MROH2B: variants seen among roughly 807,000 people sequenced by gnomAD.
MROH2B encodes maestro heat-like repeat-containing protein family member 2B.
A neutral mutation model predicts 208.6 loss-of-function variants in MROH2B; 177 were observed. That is an observed-to-expected ratio of 0.85 (90% confidence interval 0.75 to 0.96). The LOEUF (loss-of-function observed/expected upper bound fraction) is 0.96. Among genes scored for constraint, MROH2B ranks in the 40% least tolerant of loss-of-function variants. The probability of loss-of-function intolerance (pLI) is 0.00; values close to 1 mark genes in which losing one functional copy is unlikely to be tolerated. For missense variants in MROH2B, 2,002 were observed against 1,878.7 expected (o/e 1.07, Z -1.21); for synonymous variants, 728 against 659.0 (o/e 1.10, Z -1.60).
intron 13 of MROH2B, among the ~76,000 whole-genome samples, chr5:41,050,544 T>C (rs574216111): frequency 3.3e-5 from 5 of 152,144 alleles, no homozygotes; most frequent in Admixed American, 6.5e-5. Context: ...GGCTGTGCTA[T>C]GTACTTCCGG....
At chr5:41,036,152 A>C (rs200788437) in intron 21 of MROH2B, among the ~76,000 whole-genome samples, 91 of 141,954 alleles carry the variant, frequency 6.4e-4, no homozygotes, top group African/African-American at 9.0e-4. Context: ...ACACACACAC[A>C]CCCCACATTT....
At chr5:41,061,439 T>A (rs1561307038) in intron 6 of MROH2B, 131 bp downstream of exon 6, 3 of 799,544 alleles carry the variant, frequency 3.8e-6, no homozygotes, top group Admixed American at 3.0e-5. Context: ...AAAGAAAAAA[T>A]TGATAAATCT....
chr5:41,007,240 T>A, intron 34 of MROH2B, 74 bp downstream of exon 34: 1 of 1,329,252 alleles, frequency 7.5e-7, no homozygotes, highest in Non-Finnish European at 9.8e-7. Flanking sequence ...TGAAGTTGCC[T>A]GTATTGCACT....
chr5:41,046,776 A>C (rs979732033), intron 17 of MROH2B, among the ~76,000 whole-genome samples: 2 of 152,204 alleles, frequency 1.3e-5, no homozygotes, highest in African/African-American at 4.8e-5. Flanking sequence ...TGGTAGCAGA[A>C]GGAAATCTGG....
At chr5:41,070,735 C>T (rs1047338143) in intron 1 of MROH2B, 90 bp downstream of exon 1, 38 of 1,323,120 alleles carry the variant, frequency 2.9e-5, no homozygotes, top group South Asian at 1.0e-4. Flanking sequence ...CACAATGACG[C>T]GCCACTCCCA....
chr5:41,033,574 T>C (rs1561291434), intron 22 of MROH2B, among the ~76,000 whole-genome samples: 1 of 152,130 alleles, frequency 6.6e-6, no homozygotes, highest in African/African-American at 2.4e-5. Context: ...CATAGTCAAC[T>C]GGTGGGTCAC....
intron 6 of MROH2B, 107 bp downstream of exon 6, chr5:41,061,463 C>A: frequency 1.0e-6 from 1 of 972,354 alleles, no homozygotes; most frequent in Non-Finnish European, 1.4e-6. Flanking sequence ...AAAATACAAC[C>A]AATGGCTTCC....
At chr5:41,041,413 G>A (rs777700616) in intron 19 of MROH2B, among the ~76,000 whole-genome samples, 4 of 152,100 alleles carry the variant, frequency 2.6e-5, no homozygotes, top group Non-Finnish European at 5.9e-5. Flanking sequence ...GATCACCTGA[G>A]GTCAGGAGTT....
chr5:41,014,369 T>C (rs1487700453), intron 29 of MROH2B, among the ~76,000 whole-genome samples: 1 of 151,862 alleles, frequency 6.6e-6, no homozygotes, highest in Non-Finnish European at 1.5e-5. Context: ...TTCTCACTCA[T>C]AGGTGGGAAT....
intron 7 of MROH2B, 91 bp downstream of exon 7, chr5:41,057,972 T>C: frequency 7.8e-7 from 1 of 1,286,128 alleles, no homozygotes; most frequent in East Asian, 2.8e-5. Flanking sequence ...AACAGGAGTT[T>C]AAGCTCCTTA....
chr5:41,027,600 G>A (rs541985412), intron 24 of MROH2B, among the ~76,000 whole-genome samples: 151 of 152,236 alleles, frequency 9.9e-4, no homozygotes, highest in African/African-American at 3.5e-3. Flanking sequence ...GGGACGTAAA[G>A]TAGTTCAAGC....
At chr5:41,042,031 G>A (rs1163922661) in intron 19 of MROH2B, 61 bp downstream of exon 19, 1 of 862,336 alleles carries the variant, frequency 1.2e-6, no homozygotes. Context: ...CAGAGGTTTT[G>A]TGGATAGGAT....
At position 41,009,293 on chromosome 5, in the gene MROH2B, A is replaced by G. The variant is rs1293645605; in HGVS notation, c.3407T>C (p.Val1136Ala). Reference protein sequence around the residue: ...ETELEDDIARVEAISVACAMY... With the variant: ...ETELEDDIARAEAISVACAMY... ...TGTCCAACTCACTGAAATTGCCTCA[A>G]CCCTGGCGATGTCATCTTCTAACTC... The change falls in exon 32 of 42, where the codon GTT (valine) becomes GCT (alanine). Residue 1136 changes from valine to alanine, a missense_variant. Coordinates refer to ENST00000399564, the MANE Select transcript of MROH2B (RefSeq NM_173489.5). 2 of 1,613,818 alleles carry G rather than the reference A, an allele frequency of 1.2e-6. No individual in the cohort carries two copies. The highest frequency in any genetic ancestry group is 1.7e-6 in the Non-Finnish European group (2 of 1,179,752).
chr5:41,065,792 C>T (rs1052441682), intron 3 of MROH2B, among the ~76,000 whole-genome samples: 1 of 152,122 alleles, frequency 6.6e-6, no homozygotes, highest in Admixed American at 6.5e-5. Flanking sequence ...ATCAAGTTAC[C>T]TCTGCTTTCC....
At chr5:41,013,082 C>T (rs1741825632) in intron 29 of MROH2B, among the ~76,000 whole-genome samples, 1 of 152,190 alleles carries the variant, frequency 6.6e-6, no homozygotes, top group Non-Finnish European at 1.5e-5. Context: ...AGTCCTTTTA[C>T]AAACATTCAT....
At chr5:41,011,140 C>A (rs1381060765) in intron 30 of MROH2B, among the ~76,000 whole-genome samples, 1 of 152,160 alleles carries the variant, frequency 6.6e-6, no homozygotes, top group African/African-American at 2.4e-5. Context: ...GGAACGATAT[C>A]ATACATTTGG....
intron 1 of MROH2B, 109 bp downstream of exon 1, chr5:41,070,716 C>G: frequency 9.4e-7 from 1 of 1,064,770 alleles, no homozygotes; most frequent in Non-Finnish European, 1.4e-6. Flanking sequence ...TTGAGGTGTA[C>G]AGTCCTCCCA....
At position 41,022,848 on chromosome 5, in the gene MROH2B, C is replaced by A. The variant is rs191517861; in HGVS notation, c.2442-3830G>T. 4.7e-4 allele frequency among the ~76,000 whole-genome samples: 72 copies of A among 152,292 alleles called. 2 individuals are homozygous for A. Among genetic ancestry groups the A allele is most frequent in the African/African-American group, 1.6e-3 (65 of 41,570 alleles). On this transcript the variant is annotated intron_variant, in intron 24 of 41. Coordinates refer to ENST00000399564, the MANE Select transcript of MROH2B (RefSeq NM_173489.5). ...CAGGTACGCCTCTGAGACGAAGCTTCCAGTGGAACCATGAGGCAGCAACAT... is the reference window on the plus strand; with the variant it reads ...CAGGTACGCCTCTGAGACGAAGCTTACAGTGGAACCATGAGGCAGCAACAT...
At chr5:41,011,139 T>C (rs1442058016) in intron 30 of MROH2B, among the ~76,000 whole-genome samples, 1 of 152,220 alleles carries the variant, frequency 6.6e-6, no homozygotes, top group Non-Finnish European at 1.5e-5. Flanking sequence ...GGGAACGATA[T>C]CATACATTTG....
Sources: gnomAD v4.1 joint callset for allele counts (sites outside exome capture counted in the v4.1 genomes callset) on GRCh38, gnomAD v4.1.1 for gene constraint, MANE v1.5 for transcripts, NCBI Gene and HGNC (gene_info 2026-07-23, HGNC 2026-07-21) for gene names.